Variants in DIS3L2 observed in about 807,000 individuals in gnomAD.
DIS3L2 encodes the protein DIS3-like exonuclease 2.
DIS3L2 carries 34 observed loss-of-function variants against 97.5 expected under a neutral mutation model. The observed-to-expected ratio is 0.35, with a 90% CI of 0.27 to 0.46. The LOEUF (loss-of-function observed/expected upper bound fraction) is 0.46, where lower values mean the gene tolerates loss of function less well. Among genes scored for constraint, DIS3L2 ranks in the 20% least tolerant of loss-of-function variants. The pLI, the probability that DIS3L2 is intolerant of heterozygous loss-of-function variation, is 1.00. For missense variants in DIS3L2, 1,038 were observed against 1,146.0 expected (o/e 0.91, Z 1.36); for synonymous variants, 435 against 445.2 (o/e 0.98, Z 0.29).
intron 14 of DIS3L2, among the ~76,000 whole-genome samples, chr2:232,304,289 A>C (rs763922834): frequency 1.4e-4 from 22 of 152,290 alleles, no homozygotes; most frequent in Non-Finnish European, 2.5e-4. Flanking sequence ...AGGGCAAGGA[A>C]CAAGACCTTC....
At chr2:232,195,038 AC>A (rs1387154854) in intron 9 of DIS3L2, among the ~76,000 whole-genome samples, 2 of 152,186 alleles carry the variant, frequency 1.3e-5, no homozygotes, top group East Asian at 1.9e-4. Flanking sequence ...TAAAAACAAA[AC>A]AAAAAACTAT....
chr2:232,161,043 G>C (rs561043870), intron 8 of DIS3L2, among the ~76,000 whole-genome samples: 4 of 152,168 alleles, frequency 2.6e-5, no homozygotes, highest in African/African-American at 7.2e-5. Context: ...TAAGCCTCCA[G>C]AGTAGCTGGG....
chr2:232,125,287 A>G (rs1698027480), intron 6 of DIS3L2, among the ~76,000 whole-genome samples: 1 of 152,224 alleles, frequency 6.6e-6, no homozygotes, highest in South Asian at 2.1e-4. Context: ...CCCTTCCAAC[A>G]TAGGAGCGAG....
intron 13 of DIS3L2, among the ~76,000 whole-genome samples, chr2:232,294,851 A>G (rs1366756221): frequency 6.6e-6 from 1 of 152,206 alleles, no homozygotes; most frequent in Non-Finnish European, 1.5e-5. Context: ...TCAGCGTGAG[A>G]GATGCTTAGG....
intron 14 of DIS3L2, among the ~76,000 whole-genome samples, chr2:232,302,411 A>G (rs1694880045): frequency 6.6e-6 from 1 of 151,948 alleles, no homozygotes; most frequent in Admixed American, 6.5e-5. Context: ...GGAAAAGAAA[A>G]AAGTATGGTG....
At chr2:232,030,215 A>AAGCATTCGGT in intron 5 of DIS3L2, 135 bp downstream of exon 5, 3 of 707,140 alleles carry the variant, frequency 4.2e-6, no homozygotes, top group Non-Finnish European at 7.1e-6. Flanking sequence ...GTAATCTTGG[A>AAGCATTCGGT]AGCATGCTAC....
chr2:232,281,814 C>T lies in DIS3L2; in HGVS notation c.1660-18226C>T, dbSNP rs888457187. 2.6e-5 allele frequency among the ~76,000 whole-genome samples: 4 copies of T among 152,186 alleles called. No homozygotes were observed. Among genetic ancestry groups the T allele is most frequent in the African/African-American group, 4.8e-5 (2 of 41,444 alleles). ...CCACTTAAAGACGCTTGCCAGGTGG[C>T]TGGACCGGAAGTCTGCTGCTCCTCT... On this transcript the variant is annotated intron_variant, in intron 13 of 20. Coordinates refer to ENST00000325385, the MANE Select transcript of DIS3L2 (RefSeq NM_152383.5). The surrounding 1 kb of genome is among the most constrained non-coding windows in gnomAD (Gnocchi z 4.1).
intron 9 of DIS3L2, among the ~76,000 whole-genome samples, chr2:232,189,380 A>C (rs1691547924): frequency 6.6e-6 from 1 of 152,240 alleles, no homozygotes; most frequent in African/African-American, 2.4e-5. Context: ...ATATTACTGA[A>C]TGGTACTTGG....
chr2:232,319,873 C>G (rs1695377085), intron 14 of DIS3L2, among the ~76,000 whole-genome samples: 2 of 152,220 alleles, frequency 1.3e-5, no homozygotes, highest in African/African-American at 2.4e-5. Context: ...ATCTGACTTA[C>G]GATTGACCCA....
At chr2:232,116,745 T>C (rs1313589598) in intron 6 of DIS3L2, among the ~76,000 whole-genome samples, 1 of 152,164 alleles carries the variant, frequency 6.6e-6, no homozygotes, top group Non-Finnish European at 1.5e-5. Flanking sequence ...TGTCCGCCAT[T>C]AAGGACAGAT....
intron 1 of DIS3L2, among the ~76,000 whole-genome samples, chr2:232,008,348 A>C (rs1398184718): frequency 6.6e-6 from 1 of 151,726 alleles, no homozygotes; most frequent in African/African-American, 2.4e-5. Flanking sequence ...TTTTTGACTC[A>C]GTTTTAGTAA....
chr2:232,113,518 C>T (rs1471787732), intron 6 of DIS3L2, among the ~76,000 whole-genome samples: 1 of 152,240 alleles, frequency 6.6e-6, no homozygotes, highest in African/African-American at 2.4e-5. Context: ...CCTATTCCCA[C>T]TATGCCTCTG....
downstream of DIS3L2, among the ~76,000 whole-genome samples, chr2:232,342,168 TACAC>T (rs1183924320): frequency 3.3e-5 from 5 of 151,868 alleles, no homozygotes; most frequent in East Asian, 1.9e-4. Flanking sequence ...CATATACACA[TACAC>T]ATATATACAC....
chr2:232,282,460 T>C (rs1243142402), intron 13 of DIS3L2, among the ~76,000 whole-genome samples: 4 of 152,210 alleles, frequency 2.6e-5, no homozygotes, highest in South Asian at 2.1e-4. Flanking sequence ...TGCTCAGATA[T>C]AGCCAGCCAT....
At chr2:232,306,434 C>T (rs919010897) in intron 14 of DIS3L2, among the ~76,000 whole-genome samples, 14 of 152,070 alleles carry the variant, frequency 9.2e-5, no homozygotes, top group African/African-American at 3.1e-4. Context: ...CCAGTTGCCA[C>T]GGTAAAAATT....
chr2:231,967,739 C>G (rs1692763050), intron 1 of DIS3L2, among the ~76,000 whole-genome samples: 1 of 152,074 alleles, frequency 6.6e-6, no homozygotes, highest in South Asian at 2.1e-4. Flanking sequence ...CAGTTCAAAT[C>G]AGTCTTTTAT....
At chr2:232,079,037 T>A (rs1344484607) in intron 5 of DIS3L2, among the ~76,000 whole-genome samples, 2 of 152,212 alleles carry the variant, frequency 1.3e-5, no homozygotes, top group Non-Finnish European at 2.9e-5. Context: ...AATTGAGTAC[T>A]ACTGTGTGCC....
intron 1 of DIS3L2, among the ~76,000 whole-genome samples, chr2:231,980,507 G>A (rs187010783): frequency 3.7e-4 from 56 of 152,156 alleles, no homozygotes; most frequent in East Asian, 2.7e-3. Context: ...GACCAGCCTG[G>A]CCAATATGGT....
chr2:232,324,837 A>G (rs865914780), intron 14 of DIS3L2, among the ~76,000 whole-genome samples: 1 of 152,226 alleles, frequency 6.6e-6, no homozygotes, highest in Non-Finnish European at 1.5e-5. Flanking sequence ...TTGAGATTAC[A>G]TGAGCTTAAG....
Sources: allele counts gnomAD v4.1 joint callset (sites outside exome capture counted in the v4.1 genomes callset), GRCh38; gene constraint gnomAD v4.1.1; non-coding constraint Gnocchi (gnomAD v3.1); transcripts MANE v1.5; gene names NCBI Gene and HGNC (gene_info 2026-07-23, HGNC 2026-07-21).